UBR4: variants seen among roughly 807,000 people sequenced by gnomAD.
The protein encoded by UBR4 is ubiquitin protein ligase E3 component n-recognin 4.
UBR4 carries 124 observed loss-of-function variants against 575.6 expected under a neutral mutation model. The ratio of observed to expected loss-of-function variants is 0.22; its 90% CI spans 0.19 to 0.25. The LOEUF is 0.25. Among genes scored for constraint, UBR4 ranks in the 10% least tolerant of loss-of-function variants. The probability of loss-of-function intolerance (pLI) is 1.00; values close to 1 mark genes in which losing one functional copy is unlikely to be tolerated. For missense variants in UBR4, 4,818 were observed against 6,478.8 expected (o/e 0.74, Z 8.80); for synonymous variants, 2,455 against 2,473.7 (o/e 0.99, Z 0.22).
At position 19,144,981 on chromosome 1, in the gene UBR4, T is replaced by A. The variant is rs896277899; in HGVS notation, c.7946-74A>T. 3 of 1,570,502 alleles carry A rather than the reference T, an allele frequency of 1.9e-6. No individual in the cohort carries two copies. The Admixed American group carries it at 5.2e-5, about 27-fold the overall frequency. ...ACTACTTGAGAGTCTGAGACAAAAG[T>A]GTAACCTTTTATCTCCATGTAAAAG... is the stretch of plus-strand genomic sequence containing the variant. On this transcript the variant is annotated intron_variant, in intron 53 of 105. Transcript: ENST00000375254.
intron 20 of UBR4, 30 bp downstream of exon 20, chr1:19,176,562 C>T: frequency 6.2e-7 from 1 of 1,606,076 alleles, no homozygotes; most frequent in South Asian, 1.1e-5. Context: ...ATCAGTAAGT[C>T]AGTTTCTTAT....
intron 78 of UBR4, 86 bp downstream of exon 78, chr1:19,112,438 T>C: frequency 6.9e-7 from 1 of 1,445,998 alleles, no homozygotes; most frequent in Middle Eastern, 1.9e-4. Flanking sequence ...TCAGAAGCAC[T>C]ATTCTGTGCA....
intron 70 of UBR4, 67 bp downstream of exon 70, chr1:19,119,490 T>C: frequency 1.9e-6 from 3 of 1,574,708 alleles, no homozygotes; most frequent in Non-Finnish European, 2.6e-6. Context: ...TTCATAATAT[T>C]CTTAACTCAA....
chr1:19,193,287 G>A, intron 9 of UBR4, 146 bp downstream of exon 9: 1 of 1,048,950 alleles, frequency 9.5e-7, no homozygotes, highest in Non-Finnish European at 1.4e-6. Flanking sequence ...CAAGCTGGAT[G>A]CCTACCTCTT....
At chr1:19,099,117 T>C (rs1199389750) in intron 90 of UBR4, among the ~76,000 whole-genome samples, 1 of 152,164 alleles carries the variant, frequency 6.6e-6, no homozygotes, top group Admixed American at 6.5e-5. Context: ...TTTCCCCTCC[T>C]CAAGAATAAC....
At chr1:19,174,077 T>TG (rs202177614) in intron 22 of UBR4, among the ~76,000 whole-genome samples, 72 of 151,906 alleles carry the variant, frequency 4.7e-4, no homozygotes, top group Non-Finnish European at 9.0e-4. Context: ...ATATAGCACT[T>TG]GGGGGGGGAC....
intron 55 of UBR4, among the ~76,000 whole-genome samples, chr1:19,143,232 A>AAGGC (rs200999896): frequency 3.6e-4 from 41 of 112,674 alleles, no homozygotes; most frequent in African/African-American, 6.6e-4. Context: ...GGAAGGAAGG[A>AAGGC]AGGCAGGAAG....
chr1:19,190,393 T>C (rs2091978370), intron 11 of UBR4, among the ~76,000 whole-genome samples: 1 of 148,930 alleles, frequency 6.7e-6, no homozygotes, highest in Non-Finnish European at 1.5e-5. Flanking sequence ...ATCACAGCAA[T>C]CCAGAACTAA....
chr1:19,075,707 C>T (rs1335266606), intron 105 of UBR4, among the ~76,000 whole-genome samples: 1 of 152,214 alleles, frequency 6.6e-6, no homozygotes, highest in Non-Finnish European at 1.5e-5. Flanking sequence ...TTGGGAAAAT[C>T]GGTCAGCTGG....
At position 19,167,075 on chromosome 1, in the gene UBR4, C is replaced by G. The variant is rs779913206; in HGVS notation, c.4056G>C (p.Glu1352Asp). 16 of 1,614,108 alleles carry G rather than the reference C, an allele frequency of 9.9e-6. 1 individual carries two copies. In the South Asian group the frequency reaches 1.8e-4, roughly 18 times the overall value. The part of the protein sequence containing the change: ...ESDEFLARVY[E>D]KLITGCYNIL... ...TGTTGTAACAACCAGTGATCAGCTT[C>G]TCATAAACACGAGCCAAGAACTCAT... The change falls in exon 29 of 106, where the codon GAG becomes GAC. Residue 1352 changes from glutamate to aspartate, a missense_variant. Coordinates refer to ENST00000375254, the MANE Select transcript of UBR4 (RefSeq NM_020765.3).
chr1:19,103,051 C>G (rs947421121), intron 87 of UBR4, among the ~76,000 whole-genome samples: 1 of 152,134 alleles, frequency 6.6e-6, no homozygotes, highest in Admixed American at 6.5e-5. Context: ...AGTTCTTTAC[C>G]TCCTCTGGAG....
At position 19,112,775 on chromosome 1, in the gene UBR4, T is replaced by G. The variant is rs141759025; in HGVS notation, c.11550A>C (p.Thr3850=). The G allele has an allele frequency of 6.5e-5, 105 of 1,614,220 alleles. No homozygotes were observed. The African/African-American group carries it at 1.3e-3, about 20-fold the overall frequency. Residue 3850 remains threonine, a synonymous_variant, in exon 78 of 106, where the codon ACA becomes ACC. Transcript: ENST00000375254. ...AGGCACGGTACTGGCTGGCAGTGAA[T>G]GTGGGCTGCACGGAGGTCCGGGATG... is the stretch of plus-strand genomic sequence containing the variant. ...TKSSRTSVQP[T]FTASQYRALS... is the part of the protein sequence containing the mutation.
At chr1:19,150,542 T>G (rs776573061) in intron 49 of UBR4, 35 bp downstream of exon 49, 1 of 1,607,472 alleles carries the variant, frequency 6.2e-7, no homozygotes, top group Non-Finnish European at 8.5e-7. Context: ...GTGGAATATG[T>G]AAAAACTGAA....
intron 1 of UBR4, among the ~76,000 whole-genome samples, chr1:19,207,511 C>T (rs565647042): frequency 2.6e-4 from 40 of 152,270 alleles, no homozygotes; most frequent in African/African-American, 9.1e-4. Context: ...CATCTATAAT[C>T]CCAGCTACTT....
chr1:19,078,050 C>T lies in UBR4; in HGVS notation c.15250G>A (p.Val5084Met), dbSNP rs2274010. The change falls in exon 104 of 106, where the codon GTG becomes ATG. Residue 5084 changes from valine to methionine, a missense_variant. Coordinates refer to ENST00000375254, the MANE Select transcript of UBR4 (RefSeq NM_020765.3). Reference protein sequence around the residue: ...GGATRLTDKAVKDYSAYRSSL... With the variant: ...GGATRLTDKAMKDYSAYRSSL... ...GAACGGTAAGCGGAATAGTCCTTCACTGCCTTATCTGTCAGCCTGGAAAAG... is the reference window on the plus strand; with the variant it reads ...GAACGGTAAGCGGAATAGTCCTTCATTGCCTTATCTGTCAGCCTGGAAAAG... The T allele has an allele frequency of 6.5e-5, 105 of 1,614,060 alleles. No homozygotes were observed. The East Asian group carries it at 1.4e-3, about 22-fold the overall frequency.
chr1:19,205,830 A>C (rs959158070), intron 1 of UBR4, among the ~76,000 whole-genome samples: 6 of 152,232 alleles, frequency 3.9e-5, no homozygotes, highest in African/African-American at 1.4e-4. Flanking sequence ...AATTCTAGTG[A>C]ATATCTGGAA....
intron 65 of UBR4, 95 bp from the exon 66 acceptor site, chr1:19,123,155 T>TA: frequency 7.2e-7 from 1 of 1,381,648 alleles, no homozygotes; most frequent in South Asian, 1.3e-5. Context: ...AAACTGTTAT[T>TA]AAAAGCTGGG....
At chr1:19,107,971 C>A (rs1421963197) in intron 81 of UBR4, among the ~76,000 whole-genome samples, 1 of 152,154 alleles carries the variant, frequency 6.6e-6, no homozygotes, top group Non-Finnish European at 1.5e-5. Context: ...TATAAGACAT[C>A]TGGATTCTCA....
In UBR4 at chr1:19,165,698, C is replaced by T. The variant is rs1254369175; in HGVS notation, c.4169G>A (p.Ser1390Asn). Reference sequence around the variant, plus strand: ...CTCCATAGCTTTACGAGCCTGGCTACTTTCCAGCTGCTTTTCCAAGTACTG... The same window carrying T: ...CTCCATAGCTTTACGAGCCTGGCTATTTTCCAGCTGCTTTTCCAAGTACTG... Reference protein sequence around the residue: ...CLQYLEKQLESSQARKAMEEF... With the variant: ...CLQYLEKQLENSQARKAMEEF... The change falls in exon 30 of 106, where the codon AGT (serine) becomes AAT (asparagine). Residue 1390 changes from serine to asparagine, a missense_variant. Physicochemically the swap from Ser to Asn is conservative, Grantham distance 46. This residue lies in a region of UBR4 where 1,172 missense variants were observed against 1,259.7 expected (regional missense o/e 0.93). Coordinates refer to ENST00000375254, the MANE Select transcript of UBR4 (RefSeq NM_020765.3). The T allele has an allele frequency of 1.2e-6, 2 of 1,614,218 alleles. No homozygotes were observed. Among genetic ancestry groups the T allele is most frequent in the East Asian group, 4.5e-5 (2 of 44,888 alleles).
Sources: allele counts gnomAD v4.1 joint callset (sites outside exome capture counted in the v4.1 genomes callset), GRCh38; gene constraint gnomAD v4.1.1; regional missense constraint gnomAD v4.1.1; transcripts MANE v1.5; gene names NCBI Gene and HGNC (gene_info 2026-07-23, HGNC 2026-07-21).